The following NOD1 variants were observed in gnomAD, a reference collection of about 807,000 sequenced individuals.
NOD1 encodes nucleotide binding oligomerization domain containing 1, also known as nucleotide-binding oligomerization domain-containing protein 1.
Under a neutral mutation model 81.2 loss-of-function variants are expected in NOD1, and 70 were observed. That is an observed-to-expected ratio of 0.86 (90% CI 0.71 to 1.05). NOD1 has a LOEUF of 1.05. Ranked by LOEUF, NOD1 falls within the 50% of genes least tolerant of loss-of-function variation. The pLI is 0.00. For missense variants in NOD1, 1,233 were observed against 1,228.0 expected, an observed-to-expected ratio of 1.00 and a Z score of -0.06; for synonymous variants, 508 against 526.9, an observed-to-expected ratio of 0.96 and a Z score of 0.49.
intron 13 of NOD1, 127 bp from the exon 14 acceptor site, chr7:30,425,837 G>A (rs1783402122): frequency 6.8e-6 from 5 of 735,572 alleles, no homozygotes; most frequent in Non-Finnish European, 1.2e-5. Flanking sequence ...CTGAAATTAA[G>A]GAACATACCC....
intron 3 of NOD1, 45 bp from the exon 4 acceptor site, chr7:30,457,087 A>G (rs2128070612): frequency 3.2e-6 from 2 of 625,808 alleles, no homozygotes; most frequent in Non-Finnish European, 5.7e-6. Context: ...AGCTACAGAA[A>G]GAGCTCACCC....
chr7:30,439,725 C>T (rs1343519078), intron 9 of NOD1, among the ~76,000 whole-genome samples: 327 of 71,598 alleles, frequency 4.6e-3, no homozygotes, highest in South Asian at 0.026. Context: ...ACAAAGCAGC[C>T]GGGAAGCTCG....
chr7:30,468,663 T>G (rs1474152227), intron 1 of NOD1, among the ~76,000 whole-genome samples: 1 of 152,216 alleles, frequency 6.6e-6, no homozygotes, highest in African/African-American at 2.4e-5. Flanking sequence ...CCTGCCTACC[T>G]CAGAGGTGAT....
intron 11 of NOD1, among the ~76,000 whole-genome samples, chr7:30,434,386 C>A (rs1784209913): frequency 6.6e-6 from 1 of 152,214 alleles, no homozygotes; most frequent in Admixed American, 6.5e-5. Context: ...TTTTGATCCT[C>A]ACCACTGGGA....
intron 10 of NOD1, 89 bp downstream of exon 10, chr7:30,437,484 A>G (rs921826759): frequency 2.5e-6 from 2 of 786,046 alleles, no homozygotes; most frequent in Non-Finnish European, 3.8e-6. Flanking sequence ...TTCCTCTTCT[A>G]TTAGGAGCAC....
At chr7:30,477,179 C>G (rs1788871265) in intron 1 of NOD1, among the ~76,000 whole-genome samples, 1 of 152,232 alleles carries the variant, frequency 6.6e-6, no homozygotes, top group East Asian at 1.9e-4. Flanking sequence ...TTTCTCCACT[C>G]CACAAAAATA....
intron 11 of NOD1, 61 bp from the exon 12 acceptor site, chr7:30,433,240 G>T: frequency 7.4e-7 from 1 of 1,349,428 alleles, no homozygotes; most frequent in Non-Finnish European, 1.1e-6. Flanking sequence ...TTGTTTTAGA[G>T]TTCACAGGAG....
At chr7:30,432,770 G>A (rs921063946) in intron 12 of NOD1, among the ~76,000 whole-genome samples, 7 of 152,188 alleles carry the variant, frequency 4.6e-5, no homozygotes, top group African/African-American at 1.7e-4. Flanking sequence ...AATGAAACAT[G>A]CTAGAACACA....
At position 30,452,528 on chromosome 7, in the gene NOD1, G is replaced by A. The variant is rs201438430; in HGVS notation, c.889C>T (p.Arg297Cys). The change falls in exon 6 of 14, where the codon CGC (arginine) becomes TGC (cysteine). Residue 297 changes from arginine to cysteine, a missense_variant. Coordinates refer to ENST00000222823, the MANE Select transcript of NOD1 (RefSeq NM_006092.4). Reference sequence around the variant, plus strand: ...CAGGGGCAGGAGCTGTCAGGCACGCGGCTCAGGTCCAAGTCCGAGTGCAGC... The same window carrying A: ...CAGGGGCAGGAGCTGTCAGGCACGCAGCTCAGGTCCAAGTCCGAGTGCAGC... Reference protein sequence around the residue: ...DELHSDLDLSRVPDSSCPWEP... With the variant: ...DELHSDLDLSCVPDSSCPWEP... 137 of 1,613,176 alleles carry A rather than the reference G, an allele frequency of 8.5e-5. No homozygotes were observed. Among genetic ancestry groups the A allele is most frequent in the Non-Finnish European group, 1.1e-4 (131 of 1,179,984 alleles).
chr7:30,430,012 T>A (rs1783806300), intron 12 of NOD1, among the ~76,000 whole-genome samples: 1 of 152,060 alleles, frequency 6.6e-6, no homozygotes, highest in Non-Finnish European at 1.5e-5. Context: ...AGAGTGAGAC[T>A]CCATTTATAT....
intron 3 of NOD1, among the ~76,000 whole-genome samples, 198 bp downstream of exon 3, chr7:30,458,954 C>T (rs765062831): frequency 1.6e-4 from 25 of 152,088 alleles, no homozygotes; most frequent in Non-Finnish European, 3.4e-4. Context: ...CCAAGCTGGT[C>T]TTGAACTCCT....
intron 12 of NOD1, among the ~76,000 whole-genome samples, chr7:30,431,688 C>T (rs763899968): frequency 3.9e-5 from 6 of 152,100 alleles, no homozygotes; most frequent in Admixed American, 6.5e-5. Flanking sequence ...ACAACTATAA[C>T]GCTTAACAGA....
chr7:30,478,391 A>G lies in NOD1; in HGVS notation c.-352+215T>C, dbSNP rs1482070015. On this transcript the variant is annotated intron_variant, in intron 1 of 13. Coordinates refer to ENST00000222823, the MANE Select transcript of NOD1 (RefSeq NM_006092.4). This position sits in a 1 kb window ranked among gnomAD's most constrained non-coding sequence, Gnocchi z 4.1. ...CCCCTGCGTTCGACCACAGTGGGAT[A>G]AACGATTCCGCTGACTGTGAAGTTC... Among the ~76,000 whole-genome samples the G allele has an allele frequency of 6.6e-6, 1 of 152,186 alleles. No homozygotes were observed. The highest frequency in any genetic ancestry group is 1.5e-5 in the Non-Finnish European group (1 of 68,030).
chr7:30,439,265 A>C (rs1337841127), intron 9 of NOD1, among the ~76,000 whole-genome samples: 1 of 141,352 alleles, frequency 7.1e-6, no homozygotes, highest in Admixed American at 6.7e-5. Flanking sequence ...AAGATGGCCG[A>C]ATAGGAACAG....
At position 30,455,310 on chromosome 7, in the gene NOD1, A is replaced by C; in HGVS notation, c.203T>G (p.Val68Gly). 1 of 1,609,044 alleles carries C rather than the reference A, an allele frequency of 6.2e-7. No homozygotes were observed. The highest frequency in any genetic ancestry group is 8.5e-7 in the Non-Finnish European group (1 of 1,176,640). Residue 68 changes from valine to glycine, a missense_variant and splice_region_variant, in exon 5 of 14, where the codon GTC becomes GGC. Coordinates refer to ENST00000222823, the MANE Select transcript of NOD1 (RefSeq NM_006092.4). ...VCACPTQPDK[V>G]RKILDLVQSK... ...CTGTACCAGGTCCAGAATTTTGCGG[A>C]CCTGGAGGTGACACAAGCATGAGGG... is the stretch of plus-strand genomic sequence containing the variant.
In NOD1 at chr7:30,464,581, T is replaced by C. The variant is rs200031703; in HGVS notation, c.-351-4540A>G. 5.3e-5 allele frequency among the ~76,000 whole-genome samples: 8 copies of C among 152,312 alleles called. No individual in the cohort carries two copies. In the East Asian group the frequency reaches 1.3e-3, roughly 26 times the overall value. ...AGGGTGAAATCTGTGGTGTCTGGGATCTCTAGAGACAGCAGTGTTCAAATT... is the reference window on the plus strand; with the variant it reads ...AGGGTGAAATCTGTGGTGTCTGGGACCTCTAGAGACAGCAGTGTTCAAATT... On this transcript the variant is annotated intron_variant, in intron 1 of 13. Transcript: ENST00000222823.
At chr7:30,453,589 T>G (rs1377755974) in intron 5 of NOD1, among the ~76,000 whole-genome samples, 1 of 152,180 alleles carries the variant, frequency 6.6e-6, no homozygotes, top group African/African-American at 2.4e-5. Context: ...CAACTAATTT[T>G]TGTGTTTTTT....
At chr7:30,457,887 G>A (rs1033746020) in intron 3 of NOD1, among the ~76,000 whole-genome samples, 2 of 152,152 alleles carry the variant, frequency 1.3e-5, no homozygotes, top group Non-Finnish European at 2.9e-5. Context: ...CTCTTCCCCC[G>A]TGTCCTTGAC....
At chr7:30,455,933 G>T (rs1422595163) in intron 4 of NOD1, among the ~76,000 whole-genome samples, 1 of 152,212 alleles carries the variant, frequency 6.6e-6, no homozygotes, top group East Asian at 1.9e-4. Context: ...TGACACAACT[G>T]CTGTGCAGGA....
Sources: gnomAD v4.1 joint callset for allele counts (sites outside exome capture counted in the v4.1 genomes callset) on GRCh38, gnomAD v4.1.1 for gene constraint, Gnocchi (gnomAD v3.1) non-coding constraint, MANE v1.5 for transcripts, NCBI Gene and HGNC (gene_info 2026-07-23, HGNC 2026-07-21) for gene names.